GALNT18: variants seen among roughly 807,000 people sequenced by gnomAD.
The protein encoded by GALNT18 is GalNAc-transferase 18.
GALNT18 carries 44 observed loss-of-function variants against 69.5 expected under a neutral mutation model. The observed-to-expected ratio is 0.63, with a 90% CI of 0.50 to 0.81. The LOEUF (loss-of-function observed/expected upper bound fraction) is 0.81. Ranked by LOEUF, GALNT18 falls within the 40% of genes least tolerant of loss-of-function variation. The pLI, the probability that GALNT18 is intolerant of heterozygous loss-of-function variation, is 0.00. For missense variants in GALNT18, 715 were observed against 810.0 expected, an observed-to-expected ratio of 0.88 and a Z score of 1.42; for synonymous variants, 364 against 318.2, an observed-to-expected ratio of 1.14 and a Z score of -1.53.
chr11:11,271,796 C>T (rs1039325003), intron 10 of GALNT18, among the ~76,000 whole-genome samples: 4 of 152,196 alleles, frequency 2.6e-5, no homozygotes, highest in African/African-American at 9.7e-5. Flanking sequence ...ACTGGGCCCC[C>T]TAAGTCCTGA....
intron 9 of GALNT18, among the ~76,000 whole-genome samples, chr11:11,321,546 C>G: frequency 6.6e-6 from 1 of 152,200 alleles, no homozygotes; most frequent in South Asian, 2.1e-4. Flanking sequence ...TTCCTAACTC[C>G]CTTACATTTT....
At position 11,590,332 on chromosome 11, in the gene GALNT18, G is replaced by T. The variant is rs982894107; in HGVS notation, c.235+31027C>A. Among the ~76,000 whole-genome samples the T allele has an allele frequency of 2.6e-5, 4 of 152,214 alleles. No homozygotes were observed. The highest frequency in any genetic ancestry group is 5.9e-5 in the Non-Finnish European group (4 of 68,038). ...AAGGGGTCACGCAGAAAGCGACAGG[G>T]CCCAAGCCTATGTCCTTGGATGGAA... On this transcript the variant is annotated intron_variant, in intron 1 of 10. Transcript: ENST00000227756. This position sits in a 1 kb window ranked among gnomAD's most constrained non-coding sequence, Gnocchi z 4.4.
In GALNT18 at chr11:11,436,383, G is replaced by A. The variant is rs780861834; in HGVS notation, c.429-3596C>T. On this transcript the variant is annotated intron_variant, in intron 2 of 10. Coordinates refer to ENST00000227756, the MANE Select transcript of GALNT18 (RefSeq NM_198516.3). This position sits in a 1 kb window ranked among gnomAD's most constrained non-coding sequence, Gnocchi z 4.5. Reference sequence around the variant, plus strand: ...CAGGACACATCCCCTTGCCACCATCGTGACTATGTAGGGTGACAAGCTCAT... The same window carrying A: ...CAGGACACATCCCCTTGCCACCATCATGACTATGTAGGGTGACAAGCTCAT... Among the ~76,000 whole-genome samples, 5 of 151,114 alleles carry A rather than the reference G, an allele frequency of 3.3e-5. No individual in the cohort carries two copies. The highest frequency in any genetic ancestry group is 7.3e-5 in the African/African-American group (3 of 41,106).
At position 11,613,295 on chromosome 11, in the gene GALNT18, A is replaced by G. The variant is rs1171625936; in HGVS notation, c.235+8064T>C. ...AGATCCACAGAGAAGATTCCAGAAC[A>G]GCAGTCATTCCCAATCACTGCCACA... On this transcript the variant is annotated intron_variant, in intron 1 of 10. Transcript: ENST00000227756. The surrounding 1 kb of genome is among the most constrained non-coding windows in gnomAD (Gnocchi z 4.2). Among the ~76,000 whole-genome samples the G allele has an allele frequency of 6.6e-6, 1 of 152,260 alleles. No homozygotes were observed. The highest frequency in any genetic ancestry group is 1.5e-5 in the Non-Finnish European group (1 of 68,048).
intron 2 of GALNT18, among the ~76,000 whole-genome samples, chr11:11,443,698 A>G (rs746289188): frequency 1.1e-4 from 16 of 152,210 alleles, no homozygotes; most frequent in Non-Finnish European, 1.9e-4. Context: ...TTCCCAGACC[A>G]GGAAGGAAGC....
chr11:11,526,030 G>T (rs148981928), intron 1 of GALNT18, among the ~76,000 whole-genome samples: 13 of 152,252 alleles, frequency 8.5e-5, no homozygotes, highest in African/African-American at 2.9e-4. Flanking sequence ...GCCTGGAGTG[G>T]GGGAAAGGTA....
At position 11,604,859 on chromosome 11, in the gene GALNT18, C is replaced by T. The variant is rs531742075; in HGVS notation, c.235+16500G>A. 3.9e-5 allele frequency among the ~76,000 whole-genome samples: 6 copies of T among 152,194 alleles called. No homozygotes were observed. Among genetic ancestry groups the T allele is most frequent in the African/African-American group, 1.4e-4 (6 of 41,524 alleles). On this transcript the variant is annotated intron_variant, in intron 1 of 10. Transcript: ENST00000227756. The surrounding 1 kb of genome is among the most constrained non-coding windows in gnomAD (Gnocchi z 5.6). ...GGTCCCCCACACCCCAAAGGCTACA[C>T]AATCTGTTTGAAATGAAAAGGAAAA... is the stretch of plus-strand genomic sequence containing the variant.
rs1487616066 is a variant in GALNT18 at position 11,461,381 on chromosome 11, C to T, written c.236-12445G>A. On this transcript the variant is annotated intron_variant, in intron 1 of 10. Transcript: ENST00000227756. The surrounding 1 kb of genome is among the most constrained non-coding windows in gnomAD (Gnocchi z 4.1). ...CTGCTATTAAAGGGTCAAGTTTTTACACTCCATGCCAACTATATAAAGTAC... is the reference window on the plus strand; with the variant it reads ...CTGCTATTAAAGGGTCAAGTTTTTATACTCCATGCCAACTATATAAAGTAC... Among the ~76,000 whole-genome samples, 1 of 152,192 alleles carries T rather than the reference C, an allele frequency of 6.6e-6. No homozygotes were observed. Among genetic ancestry groups the T allele is most frequent in the Non-Finnish European group, 1.5e-5 (1 of 68,032 alleles).
At chr11:11,375,465 C>T (rs746540252) in intron 5 of GALNT18, among the ~76,000 whole-genome samples, 10 of 152,204 alleles carry the variant, frequency 6.6e-5, no homozygotes, top group Non-Finnish European at 8.8e-5. Flanking sequence ...CAGGAATGCT[C>T]ATTGCATGGG....
intron 1 of GALNT18, among the ~76,000 whole-genome samples, chr11:11,508,664 A>G (rs902220471): frequency 6.6e-6 from 1 of 152,226 alleles, no homozygotes; most frequent in African/African-American, 2.4e-5. Flanking sequence ...CATGGTCTTC[A>G]TTCACTTCAC....
At chr11:11,366,387 A>G (rs1163949790) in intron 6 of GALNT18, among the ~76,000 whole-genome samples, 1 of 152,228 alleles carries the variant, frequency 6.6e-6, no homozygotes, top group Non-Finnish European at 1.5e-5. Flanking sequence ...TTATGTACAT[A>G]TGCATCTACA....
intron 3 of GALNT18, among the ~76,000 whole-genome samples, chr11:11,403,985 C>T (rs1338017521): frequency 1.3e-5 from 2 of 152,228 alleles, no homozygotes; most frequent in Non-Finnish European, 2.9e-5. Flanking sequence ...CAATTCCTGG[C>T]CCCTATTCCA....
At chr11:11,278,370 G>T (rs1270530915) in intron 10 of GALNT18, among the ~76,000 whole-genome samples, 1 of 151,538 alleles carries the variant, frequency 6.6e-6, no homozygotes, top group South Asian at 2.1e-4. Context: ...GTTGGTGGGT[G>T]GGGGGCTGGG....
intron 7 of GALNT18, among the ~76,000 whole-genome samples, chr11:11,336,194 C>T (rs1262503317): frequency 3.9e-5 from 6 of 152,138 alleles, no homozygotes; most frequent in Non-Finnish European, 7.4e-5. Flanking sequence ...TGATGTTTTG[C>T]TGCAGACTGA....
intron 1 of GALNT18, among the ~76,000 whole-genome samples, chr11:11,483,292 G>C (rs1016959188): frequency 3.9e-5 from 6 of 152,080 alleles, no homozygotes; most frequent in Admixed American, 6.5e-5. Flanking sequence ...TGATTCCCCC[G>C]GCTGTAAGAA....
At chr11:11,273,692 G>T (rs186694210) in intron 10 of GALNT18, among the ~76,000 whole-genome samples, 3 of 152,216 alleles carry the variant, frequency 2.0e-5, no homozygotes, top group Admixed American at 1.3e-4. Flanking sequence ...CCATTGTTGG[G>T]TATATACCCA....
At chr11:11,556,102 C>A (rs1472753878) in intron 1 of GALNT18, among the ~76,000 whole-genome samples, 1 of 152,134 alleles carries the variant, frequency 6.6e-6, no homozygotes, top group Non-Finnish European at 1.5e-5. Context: ...GAAACTAAGA[C>A]CCAGAAAAGG....
At position 11,614,863 on chromosome 11, in the gene GALNT18, T is replaced by A. The variant is rs1336247877; in HGVS notation, c.235+6496A>T. Among the ~76,000 whole-genome samples, 1 of 152,188 alleles carries A rather than the reference T, an allele frequency of 6.6e-6. No homozygotes were observed. ...TTTATGTCAAGTGAGTGGGAAAGAA[T>A]GTGGAATTCATTTATTTTACAGCCT... On this transcript the variant is annotated intron_variant, in intron 1 of 10. Coordinates refer to ENST00000227756, the MANE Select transcript of GALNT18 (RefSeq NM_198516.3). This position sits in a 1 kb window ranked among gnomAD's most constrained non-coding sequence, Gnocchi z 5.6.
In GALNT18 at chr11:11,586,989, C is replaced by CACATAAATAAATAAATAAAT. The variant is rs1554955070; in HGVS notation, c.235+34369_235+34370insATTTATTTATTTATTTATGT. 1.3e-5 allele frequency among the ~76,000 whole-genome samples: 2 copies of CACATAAATAAATAAATAAAT among 151,550 alleles called. No homozygotes were observed. Among genetic ancestry groups the CACATAAATAAATAAATAAAT allele is most frequent in the African/African-American group, 4.9e-5 (2 of 41,070 alleles). ...GGGAACAAGAGTGAAACCCCATCTC[C>CACATAAATAAATAAATAAAT]AAATAAATAAATAAATAAATAAATA... On this transcript the variant is annotated intron_variant, in intron 1 of 10. Coordinates refer to ENST00000227756, the MANE Select transcript of GALNT18 (RefSeq NM_198516.3). The surrounding 1 kb of genome is among the most constrained non-coding windows in gnomAD (Gnocchi z 4.1).
Sources: allele counts gnomAD v4.1 joint callset (sites outside exome capture counted in the v4.1 genomes callset), GRCh38; gene constraint gnomAD v4.1.1; non-coding constraint Gnocchi (gnomAD v3.1); transcripts MANE v1.5; gene names NCBI Gene and HGNC (gene_info 2026-07-23, HGNC 2026-07-21).